The following GRIA1 variants were observed in gnomAD, a reference collection of about 807,000 sequenced individuals.
The protein encoded by GRIA1 is glutamate ionotropic receptor AMPA type subunit 1.
A neutral mutation model predicts 99.2 loss-of-function variants in GRIA1; 31 were observed. The observed-to-expected ratio is 0.31, with a 90% CI of 0.23 to 0.42. The LOEUF is 0.42. Among genes scored for constraint, GRIA1 ranks in the 10% least tolerant of loss-of-function variants. The probability of loss-of-function intolerance (pLI) is 1.00; values close to 1 mark genes in which losing one functional copy is unlikely to be tolerated. For synonymous variants in GRIA1, 438 were observed against 432.4 expected (o/e 1.01, Z -0.16); for missense variants, 782 against 1,157.5 (o/e 0.68, Z 4.71).
intron 12 of GRIA1, 38 bp downstream of exon 12, chr5:153,764,670 G>A (rs769875133): frequency 4.9e-6 from 7 of 1,414,946 alleles, no homozygotes; most frequent in South Asian, 2.3e-5. Context: ...TTTCACAAAA[G>A]GGAACCACAA....
At chr5:153,760,822 C>A (rs548600292) in intron 11 of GRIA1, among the ~76,000 whole-genome samples, 2 of 152,148 alleles carry the variant, frequency 1.3e-5, no homozygotes, top group East Asian at 3.9e-4. Context: ...GGCATTAAAA[C>A]AAACACAACA....
intron 2 of GRIA1, among the ~76,000 whole-genome samples, chr5:153,507,577 A>G (rs1018822622): frequency 6.6e-6 from 1 of 152,024 alleles, no homozygotes; most frequent in Non-Finnish European, 1.5e-5. Flanking sequence ...CATATAATCA[A>G]TATTATGTGT....
At chr5:153,782,227 G>A (rs1477557972) in intron 13 of GRIA1, among the ~76,000 whole-genome samples, 1 of 152,196 alleles carries the variant, frequency 6.6e-6, no homozygotes, top group Non-Finnish European at 1.5e-5. Flanking sequence ...GTGGCACAGA[G>A]AGACTAATTA....
At chr5:153,543,246 T>G (rs1256617388) in intron 2 of GRIA1, among the ~76,000 whole-genome samples, 1 of 152,106 alleles carries the variant, frequency 6.6e-6, no homozygotes, top group African/African-American at 2.4e-5. Context: ...AGTGGTAATA[T>G]TATAATGGTG....
chr5:153,542,464 C>T (rs1451995850), intron 2 of GRIA1, among the ~76,000 whole-genome samples: 10 of 152,208 alleles, frequency 6.6e-5, no homozygotes, highest in Admixed American at 4.6e-4. Flanking sequence ...TAATAAATGA[C>T]ATCCCATGAG....
At chr5:153,577,310 C>G (rs929172492) in intron 2 of GRIA1, among the ~76,000 whole-genome samples, 3 of 152,290 alleles carry the variant, frequency 2.0e-5, no homozygotes, top group Non-Finnish European at 4.4e-5. Flanking sequence ...TCCCAAGGCA[C>G]AGAAAGCAGG....
At chr5:153,785,963 C>A (rs1764940168) in intron 13 of GRIA1, among the ~76,000 whole-genome samples, 1 of 152,238 alleles carries the variant, frequency 6.6e-6, no homozygotes, top group Non-Finnish European at 1.5e-5. Flanking sequence ...CACTGACAAC[C>A]AACCTCAAGT....
chr5:153,798,409 A>G (rs1196142749), intron 14 of GRIA1, among the ~76,000 whole-genome samples: 1 of 152,216 alleles, frequency 6.6e-6, no homozygotes, highest in African/African-American at 2.4e-5. Context: ...AGGCTAAGTC[A>G]GATTACAGAT....
intron 2 of GRIA1, among the ~76,000 whole-genome samples, chr5:153,637,583 A>G (rs764535988): frequency 6.6e-6 from 1 of 152,176 alleles, no homozygotes; most frequent in Non-Finnish European, 1.5e-5. Flanking sequence ...GAACCCATTC[A>G]ACATCTTCAG....
upstream of GRIA1, chr5:153,490,129 C>G: frequency 3.7e-6 from 1 of 269,506 alleles, no homozygotes; most frequent in Non-Finnish European, 7.2e-6. Context: ...GTCTTTCCCT[C>G]AGGAATTAGT....
chr5:153,568,130 A>G (rs1323017058), intron 2 of GRIA1, among the ~76,000 whole-genome samples: 2 of 152,208 alleles, frequency 1.3e-5, no homozygotes, highest in African/African-American at 2.4e-5. Flanking sequence ...AGGTCTTTCT[A>G]TTAAACACGG....
At chr5:153,496,985 G>A (rs964034150) in intron 2 of GRIA1, among the ~76,000 whole-genome samples, 2 of 152,094 alleles carry the variant, frequency 1.3e-5, no homozygotes, top group African/African-American at 4.8e-5. Flanking sequence ...GAGAGGAAGT[G>A]TAATGGGACC....
At chr5:153,528,786 C>T (rs903283651) in intron 2 of GRIA1, among the ~76,000 whole-genome samples, 1 of 152,110 alleles carries the variant, frequency 6.6e-6, no homozygotes, top group Non-Finnish European at 1.5e-5. Context: ...TCCTATATGC[C>T]TTCTTCTCTC....
intron 2 of GRIA1, among the ~76,000 whole-genome samples, chr5:153,531,682 G>A (rs960765751): frequency 8.5e-5 from 13 of 152,190 alleles, no homozygotes; most frequent in African/African-American, 2.9e-4. Context: ...CAGTTGGTGG[G>A]AATGTATTGA....
intron 13 of GRIA1, among the ~76,000 whole-genome samples, chr5:153,781,521 G>C (rs548878595): frequency 5.1e-4 from 77 of 152,264 alleles, no homozygotes; most frequent in African/African-American, 1.8e-3. Context: ...ATCTAGCAGA[G>C]AATTTAGCAT....
chr5:153,586,730 C>T (rs957051100), intron 2 of GRIA1, among the ~76,000 whole-genome samples: 13 of 152,088 alleles, frequency 8.5e-5, no homozygotes, highest in African/African-American at 2.9e-4. Context: ...GTGCTTTTTC[C>T]ACCATGCCAA....
intron 11 of GRIA1, among the ~76,000 whole-genome samples, chr5:153,728,109 C>A (rs186697771): frequency 0.52 from 77,731 of 149,674 alleles, 21,150 homozygotes; most frequent in East Asian, 0.94. Flanking sequence ...CTTTGATAAA[C>A]CTGAGAAAAA....
intron 13 of GRIA1, among the ~76,000 whole-genome samples, chr5:153,774,741 A>G (rs1224246597): frequency 6.6e-6 from 1 of 152,250 alleles, no homozygotes; most frequent in Non-Finnish European, 1.5e-5. Context: ...TCAGAAGATC[A>G]GATAACTGAC....
intron 2 of GRIA1, among the ~76,000 whole-genome samples, chr5:153,592,860 C>CTG (rs1764088311): frequency 6.6e-6 from 1 of 152,170 alleles, no homozygotes; most frequent in African/African-American, 2.4e-5. Context: ...TTACAGATGG[C>CTG]CACCTTCTTG....
Sources: allele counts gnomAD v4.1 joint callset (sites outside exome capture counted in the v4.1 genomes callset), GRCh38; gene constraint gnomAD v4.1.1; transcripts MANE v1.5; gene names NCBI Gene and HGNC (gene_info 2026-07-23, HGNC 2026-07-21).